Variants in AKNA observed in about 807,000 individuals in gnomAD.
The protein encoded by AKNA is microtubule organization protein AKNA.
A neutral mutation model predicts 138.8 loss-of-function variants in AKNA; 67 were observed. The observed-to-expected ratio is 0.48, with a 90% confidence interval of 0.40 to 0.59. The LOEUF (loss-of-function observed/expected upper bound fraction) is 0.59. Ranked by LOEUF, AKNA falls within the 20% of genes least tolerant of loss-of-function variation. AKNA has a pLI of 0.00. For missense variants in AKNA, 1,813 were observed against 1,880.4 expected (o/e 0.96, Z 0.66); for synonymous variants, 737 against 754.4 (o/e 0.98, Z 0.38).
At chr9:114,354,452 G>A (rs1050740214) in intron 14 of AKNA, among the ~76,000 whole-genome samples, 4 of 152,164 alleles carry the variant, frequency 2.6e-5, no homozygotes, top group African/African-American at 4.8e-5. Context: ...GGTGGCTCAC[G>A]CCTGTAATCC....
intron 3 of AKNA, 93 bp from the exon 4 acceptor site, chr9:114,374,260 G>C: frequency 8.2e-7 from 1 of 1,225,452 alleles, no homozygotes; most frequent in East Asian, 2.5e-5. Flanking sequence ...CCTTCCATAA[G>C]GGCTTCTGGG....
chr9:114,352,081 G>A (rs893863854), intron 14 of AKNA, among the ~76,000 whole-genome samples: 4 of 152,144 alleles, frequency 2.6e-5, no homozygotes, highest in Non-Finnish European at 1.5e-5. Context: ...GACAGGCTGG[G>A]GGCAGGAGGG....
chr9:114,365,947 A>G (rs867327929), intron 6 of AKNA, among the ~76,000 whole-genome samples: 1 of 152,210 alleles, frequency 6.6e-6, no homozygotes, highest in South Asian at 2.1e-4. Context: ...TTTGTGGACA[A>G]CATATAGGAC....
intron 6 of AKNA, among the ~76,000 whole-genome samples, chr9:114,365,679 A>G (rs1257310625): frequency 1.3e-5 from 2 of 152,204 alleles, no homozygotes; most frequent in Non-Finnish European, 2.9e-5. Context: ...ATTAATTTTT[A>G]TATTTTATTT....
At chr9:114,376,120 C>A (rs1250998615) in intron 3 of AKNA, 2 of 389,552 alleles carry the variant, frequency 5.1e-6, no homozygotes, top group Non-Finnish European at 9.9e-6. Flanking sequence ...AGCCAGCCTC[C>A]ACCCCAGGCC....
In AKNA at chr9:114,358,148, C is replaced by T. The variant is rs897926527; in HGVS notation, c.2512G>A (p.Val838Ile). The T allele has an allele frequency of 4.9e-5, 79 of 1,614,160 alleles. No homozygotes were observed. Among genetic ancestry groups the T allele is most frequent in the Non-Finnish European group, 6.5e-5 (77 of 1,180,002 alleles). ...TGGAAACCTGGTGGCTTCATAGATA[C>T]CATCTTCTCCGTGGCCTCCCTGGCA... ...APLEEATEKM[V>I]SMKPPGFQAS... The change falls in exon 12 of 22, where the codon GTA becomes ATA. Residue 838 changes from valine to isoleucine, a missense_variant. Physicochemically the swap from Val to Ile is conservative, Grantham distance 29. Coordinates refer to ENST00000374088, the MANE Select transcript of AKNA (RefSeq NM_001317950.2).
chr9:114,363,041 G>T (rs1038994328), intron 7 of AKNA, among the ~76,000 whole-genome samples: 4 of 152,202 alleles, frequency 2.6e-5, no homozygotes, highest in African/African-American at 4.8e-5. Context: ...GAGCATTGAG[G>T]CTCTGGGCTA....
chr9:114,358,496 C>G (rs1428577127), intron 11 of AKNA, among the ~76,000 whole-genome samples: 1 of 152,166 alleles, frequency 6.6e-6, no homozygotes, highest in Admixed American at 6.5e-5. Context: ...TCCATCTACT[C>G]CAAAGATTTT....
At position 114,367,679 on chromosome 9, in the gene AKNA, C is replaced by G. The variant is rs1564642845; in HGVS notation, c.1592G>C (p.Gly531Ala). Residue 531 changes from glycine to alanine, a missense_variant, in exon 6 of 22, where the codon GGA becomes GCA. Transcript: ENST00000374088. ...GGTAAGCGAGGAGGGGCTCAAGTCT[C>G]CTCGAGCTGATGGCCACCCTGGAAT... Reference protein sequence around the residue: ...SAASGWPSARGDLSPSSLTSM... With the variant: ...SAASGWPSARADLSPSSLTSM... 6.3e-7 allele frequency: 1 copy of G among 1,578,286 alleles called. No individual in the cohort carries two copies.
At chr9:114,373,735 A>G (rs575326355) in intron 4 of AKNA, among the ~76,000 whole-genome samples, 22 of 151,234 alleles carry the variant, frequency 1.5e-4, no homozygotes, top group Non-Finnish European at 2.4e-4. Context: ...AAAAAAAAAA[A>G]ATTAGCAGGG....
chr9:114,365,324 C>G (rs1197764178), intron 6 of AKNA, among the ~76,000 whole-genome samples: 2 of 152,124 alleles, frequency 1.3e-5, no homozygotes, highest in South Asian at 2.1e-4. Flanking sequence ...AGTCAAGGTA[C>G]AGTAGCTTAT....
In AKNA at chr9:114,359,749, C is replaced by A. The variant is rs1424513916; in HGVS notation, c.2337G>T (p.Glu779Asp). The A allele has an allele frequency of 1.9e-6, 3 of 1,602,200 alleles. No individual in the cohort carries two copies. The highest frequency in any genetic ancestry group is 8.5e-7 in the Non-Finnish European group (1 of 1,173,794). The change falls in exon 11 of 22, where the codon GAG becomes GAT. Residue 779 changes from glutamate (E) to aspartate (D), a missense_variant. Transcript: ENST00000374088. ...CCTCCTCCTCCTCTCCTTCTTCCTC[C>A]TCCTCCATTCTCATGGCTTCTGGGA... ...KSLPEAMRME[E>D]EEEGEEEEEE...
chr9:114,354,024 A>G (rs10982181), intron 14 of AKNA, among the ~76,000 whole-genome samples: 14 of 152,326 alleles, frequency 9.2e-5, no homozygotes, highest in Non-Finnish European at 1.3e-4. Context: ...TTTTTTCTTC[A>G]ATAATTAATC....
At chr9:114,337,376 T>G in intron 21 of AKNA, 70 bp from the exon 22 acceptor site, 1 of 1,359,484 alleles carries the variant, frequency 7.4e-7, no homozygotes. Context: ...GCACCGTGTG[T>G]GGGGTCAACC....
At chr9:114,332,652 G>A (rs1766095), downstream of AKNA, among the ~76,000 whole-genome samples, 556 of 150,580 alleles carry the variant, frequency 3.7e-3, no homozygotes, top group African/African-American at 8.3e-3. Context: ...GCTTATGAAC[G>A]CAACCACTGT....
downstream of AKNA, among the ~76,000 whole-genome samples, chr9:114,332,157 C>CT (rs1393769745): frequency 6.6e-6 from 1 of 151,808 alleles, no homozygotes; most frequent in Non-Finnish European, 1.5e-5. Flanking sequence ...GACCTGAAAG[C>CT]TAACAGGAGG....
intron 2 of AKNA, among the ~76,000 whole-genome samples, chr9:114,377,889 A>G (rs1013682515): frequency 6.6e-6 from 1 of 152,146 alleles, no homozygotes; most frequent in Non-Finnish European, 1.5e-5. Context: ...GTCCTGTCCA[A>G]TGGGACCTCC....
chr9:114,368,307 A>AGGGTG, intron 5 of AKNA, 132 bp downstream of exon 5: 1 of 1,051,072 alleles, frequency 9.5e-7, no homozygotes, highest in Non-Finnish European at 1.2e-6. Context: ...CAAAGTGCCC[A>AGGGTG]GGGTGGGGCC....
At chr9:114,377,678 A>T in intron 2 of AKNA, 146 bp from the exon 3 acceptor site, 1 of 837,868 alleles carries the variant, frequency 1.2e-6, no homozygotes, top group Non-Finnish European at 1.8e-6. Context: ...GACTTAGCCA[A>T]GTGCTTGTCT....
Sources: allele counts gnomAD v4.1 joint callset (sites outside exome capture counted in the v4.1 genomes callset), GRCh38; gene constraint gnomAD v4.1.1; transcripts MANE v1.5; gene names NCBI Gene and HGNC (gene_info 2026-07-23, HGNC 2026-07-21).